TNIK: variants seen among roughly 807,000 people sequenced by gnomAD.
TNIK encodes the protein TRAF2 and NCK-interacting protein kinase.
Under a neutral mutation model 191.3 loss-of-function variants are expected in TNIK, and 49 were observed. The ratio of observed to expected loss-of-function variants is 0.26; its 90% CI spans 0.20 to 0.32. TNIK has a LOEUF of 0.32. Among genes scored for constraint, TNIK ranks in the 10% least tolerant of loss-of-function variants. The probability of loss-of-function intolerance (pLI) is 1.00; values close to 1 mark genes in which losing one functional copy is unlikely to be tolerated. For synonymous variants in TNIK, 594 were observed against 600.9 expected (o/e 0.99, Z 0.17); for missense variants, 1,155 against 1,702.3 (o/e 0.68, Z 5.66).
chr3:171,333,740 C>T (rs542787927), intron 2 of TNIK, among the ~76,000 whole-genome samples: 1 of 152,344 alleles, frequency 6.6e-6, no homozygotes, highest in South Asian at 2.1e-4. Flanking sequence ...TTTGCAACCC[C>T]TATCCTACTA....
Position 171,203,009 on chromosome 3 carries a change from CATTTCTG to C in TNIK, c.306+8100_306+8106del, listed in dbSNP as rs1354359562. ...TAATCAAAACAAGTTTTAAAAGCCT[CATTTCTG>C]ATACACAGCATTAACAAAAGATAAA... is the stretch of plus-strand genomic sequence containing the variant. On this transcript the variant is annotated intron_variant, in intron 4 of 32. Transcript: ENST00000436636. Among the ~76,000 whole-genome samples, 12 of 152,140 alleles carry C rather than the reference CATTTCTG, an allele frequency of 7.9e-5. No individual in the cohort carries two copies. In the South Asian group the frequency reaches 1.9e-3, roughly 24 times the overall value.
At chr3:171,242,154 T>G (rs1418190638) in intron 2 of TNIK, among the ~76,000 whole-genome samples, 3 of 117,690 alleles carry the variant, frequency 2.5e-5, no homozygotes, top group Non-Finnish European at 5.7e-5. Flanking sequence ...CCCTAGAACT[T>G]AAATTAAAAA....
chr3:171,400,373 G>A (rs948327081), intron 1 of TNIK, among the ~76,000 whole-genome samples: 2 of 151,966 alleles, frequency 1.3e-5, no homozygotes, highest in South Asian at 2.1e-4. Flanking sequence ...GAGACCAGCC[G>A]AGGCAGCATA....
intron 15 of TNIK, among the ~76,000 whole-genome samples, chr3:171,134,574 C>G (rs1046846240): frequency 6.6e-6 from 1 of 152,178 alleles, no homozygotes; most frequent in African/African-American, 2.4e-5. Flanking sequence ...CGTGAGCCAC[C>G]GTGCCTGGCT....
rs141825990 is a variant in TNIK, at chr3:171,358,652, G to A, written c.123+10968C>T. On this transcript the variant is annotated intron_variant, in intron 2 of 32. Coordinates refer to ENST00000436636, the MANE Select transcript of TNIK (RefSeq NM_015028.4). ...TGTGGACTTCTACCTGAGAAGGATC[G>A]TTTTATTTAGATATAAACAGGGTAG... Among the ~76,000 whole-genome samples the A allele has an allele frequency of 1.3e-3, 201 of 152,304 alleles. 2 individuals carry two copies. The highest frequency in any genetic ancestry group is 4.3e-3 in the African/African-American group (177 of 41,562).
chr3:171,405,579 T>C (rs1225512516), intron 1 of TNIK, among the ~76,000 whole-genome samples: 1 of 148,080 alleles, frequency 6.8e-6, no homozygotes, highest in Non-Finnish European at 1.5e-5. Context: ...CTGGAGAAAA[T>C]AGATTCATTT....
intron 1 of TNIK, among the ~76,000 whole-genome samples, chr3:171,447,779 CTT>C (rs1727685427): frequency 6.6e-6 from 1 of 152,138 alleles, no homozygotes; most frequent in African/African-American, 2.4e-5. Flanking sequence ...CACACAAAGA[CTT>C]ATATATAAGG....
intron 1 of TNIK, among the ~76,000 whole-genome samples, chr3:171,410,400 C>T (rs919233438): frequency 7.9e-5 from 12 of 152,160 alleles, no homozygotes; most frequent in African/African-American, 2.9e-4. Flanking sequence ...TCTTCAGCTT[C>T]CTCACAGCAT....
chr3:171,090,763 G>A (rs1246756889), intron 23 of TNIK, among the ~76,000 whole-genome samples: 1 of 152,144 alleles, frequency 6.6e-6, no homozygotes, highest in Admixed American at 6.5e-5. Context: ...TGGTCCTGTG[G>A]GGCTATAGGA....
intron 9 of TNIK, 100 bp from the exon 10 acceptor site, chr3:171,167,370 C>A (rs1159409958): frequency 2.8e-6 from 4 of 1,430,388 alleles, no homozygotes; most frequent in Non-Finnish European, 3.7e-6. Flanking sequence ...TTTTTAAGGT[C>A]CAATTGGCTG....
intron 3 of TNIK, chr3:171,225,750 T>G (rs1742890157): frequency 2.5e-6 from 1 of 398,568 alleles, no homozygotes; most frequent in Non-Finnish European, 5.0e-6. Context: ...TTGTGAGGCT[T>G]TAAATTGTTC....
intron 3 of TNIK, among the ~76,000 whole-genome samples, chr3:171,219,087 TATAA>T (rs1203404688): frequency 1.6e-4 from 20 of 128,192 alleles, no homozygotes; most frequent in Middle Eastern, 4.7e-3. Context: ...ATATATTTTA[TATAA>T]ATATATAATT....
At chr3:171,336,648 C>A (rs1369169477) in intron 2 of TNIK, among the ~76,000 whole-genome samples, 1 of 152,108 alleles carries the variant, frequency 6.6e-6, no homozygotes, top group African/African-American at 2.4e-5. Flanking sequence ...AGGCAAAGTC[C>A]ATTAATAAGT....
intron 2 of TNIK, among the ~76,000 whole-genome samples, chr3:171,290,955 C>T (rs1443490608): frequency 6.6e-6 from 1 of 152,166 alleles, no homozygotes; most frequent in Non-Finnish European, 1.5e-5. Context: ...TTACCCATAC[C>T]ATAAACACTC....
At chr3:171,401,557 A>C (rs1720961974) in intron 1 of TNIK, among the ~76,000 whole-genome samples, 1 of 152,020 alleles carries the variant, frequency 6.6e-6, no homozygotes, top group Non-Finnish European at 1.5e-5. Flanking sequence ...TAGAGGGCTT[A>C]GGGAGCAGTG....
rs144193911 is a variant in TNIK, at chr3:171,225,612, C to T, written c.180+2553G>A. On this transcript the variant is annotated intron_variant, in intron 3 of 32. Transcript: ENST00000436636. ...TAGAGCTTAGATGCTTAATGAAACC[C>T]AGTTTAGAAAGACTAACTGACATTC... The T allele has an allele frequency of 3.2e-4, 148 of 456,444 alleles. 3 individuals carry two copies. The East Asian group carries it at 7.7e-3, about 24-fold the overall frequency. The allele number at this position is 456,444 out of a possible 1,614,324, so 28.3% of individuals were successfully genotyped here.
chr3:171,140,612 T>C lies in TNIK; in HGVS notation c.1222-103A>G, dbSNP rs1304052452. On this transcript the variant is annotated intron_variant, in intron 12 of 32. Coordinates refer to ENST00000436636, the MANE Select transcript of TNIK (RefSeq NM_015028.4). The stretch of plus-strand genomic sequence containing the variant: ...TTGAACCCCAGACATGAACTTTTAA[T>C]GAGATATGCCTAAATGCTCCAAGGT... The C allele has an allele frequency of 5.7e-6, 6 of 1,056,644 alleles. No individual in the cohort carries two copies. The African/African-American group carries it at 7.8e-5, about 14-fold the overall frequency. The allele number at this position is 1,056,644 out of a possible 1,614,324, so 65.5% of individuals were successfully genotyped here.
intron 2 of TNIK, among the ~76,000 whole-genome samples, chr3:171,288,900 A>C (rs1330061872): frequency 6.6e-6 from 1 of 152,194 alleles, no homozygotes; most frequent in African/African-American, 2.4e-5. Flanking sequence ...TATTTGGAGA[A>C]GTAGAATGAA....
At chr3:171,266,462 G>T (rs905731300) in intron 2 of TNIK, among the ~76,000 whole-genome samples, 1 of 152,168 alleles carries the variant, frequency 6.6e-6, no homozygotes, top group African/African-American at 2.4e-5. Flanking sequence ...AGAGAGGAAT[G>T]ACTCTTCCTT....
Sources: gnomAD v4.1 joint callset for allele counts (sites outside exome capture counted in the v4.1 genomes callset) on GRCh38, gnomAD v4.1.1 for gene constraint, MANE v1.5 for transcripts, NCBI Gene and HGNC (gene_info 2026-07-23, HGNC 2026-07-21) for gene names.